The following TLK1 variants were observed in gnomAD, a reference collection of about 807,000 sequenced individuals.
TLK1 encodes the protein serine/threonine-protein kinase tousled-like 1.
Under a neutral mutation model 105.3 loss-of-function variants are expected in TLK1, and 24 were observed. The ratio of observed to expected loss-of-function variants is 0.23; its 90% CI spans 0.17 to 0.32. The LOEUF (loss-of-function observed/expected upper bound fraction) is 0.32, where lower values mean the gene tolerates loss of function less well. TLK1 is among the 10% of genes least tolerant of loss of function. TLK1 has a pLI of 1.00. For synonymous variants in TLK1, 321 were observed against 310.4 expected (o/e 1.03, Z -0.36); for missense variants, 558 against 910.5 (o/e 0.61, Z 4.98).
At chr2:171,185,005 AT>A (rs1299993016) in intron 1 of TLK1, among the ~76,000 whole-genome samples, 1 of 151,950 alleles carries the variant, frequency 6.6e-6, no homozygotes, top group African/African-American at 2.4e-5. Flanking sequence ...TGCCCAGCTA[AT>A]TTTTTGCATT....
chr2:171,087,078 AAC>A (rs982308230), intron 2 of TLK1, among the ~76,000 whole-genome samples: 12 of 152,164 alleles, frequency 7.9e-5, no homozygotes, highest in Admixed American at 7.2e-4. Flanking sequence ...ACAAACAAAA[AAC>A]AGTCTCCAAA....
At chr2:171,092,249 T>C (rs1689268670) in intron 2 of TLK1, among the ~76,000 whole-genome samples, 1 of 152,200 alleles carries the variant, frequency 6.6e-6, no homozygotes. Flanking sequence ...AAAAAATCCA[T>C]ATTGTTTTGG....
intron 1 of TLK1, among the ~76,000 whole-genome samples, chr2:171,159,339 T>C (rs1004201043): frequency 6.6e-6 from 1 of 152,200 alleles, no homozygotes; most frequent in African/African-American, 2.4e-5. Context: ...TCATTCCCCA[T>C]AAATGTGTTT....
At chr2:171,136,663 T>C (rs1357177698) in intron 1 of TLK1, among the ~76,000 whole-genome samples, 1 of 152,224 alleles carries the variant, frequency 6.6e-6, no homozygotes, top group Non-Finnish European at 1.5e-5. Context: ...ATGGCTAAAA[T>C]GTTTGCATAT....
intron 11 of TLK1, 23 bp downstream of exon 11, chr2:171,046,151 A>T: frequency 3.3e-6 from 5 of 1,497,172 alleles, no homozygotes; most frequent in Admixed American, 2.4e-5. Context: ...TTTAAAAAAG[A>T]AAAATTTTAA....
At chr2:171,230,398 C>T (rs1693973796) in intron 1 of TLK1, among the ~76,000 whole-genome samples, 1 of 152,152 alleles carries the variant, frequency 6.6e-6, no homozygotes, top group African/African-American at 2.4e-5. Context: ...TTAAGACTTG[C>T]TTAAGATGTT....
intron 2 of TLK1, among the ~76,000 whole-genome samples, chr2:171,096,180 T>C (rs1689443496): frequency 6.6e-6 from 1 of 151,548 alleles, no homozygotes; most frequent in Non-Finnish European, 1.5e-5. Flanking sequence ...TTCAGTAAAG[T>C]TGCAAGATAA....
intron 3 of TLK1, among the ~76,000 whole-genome samples, chr2:171,062,717 A>G (rs1687813541): frequency 1.3e-5 from 2 of 152,214 alleles, no homozygotes; most frequent in African/African-American, 4.8e-5. Context: ...TAAGACCTAA[A>G]TGCTCTTTAT....
At chr2:171,068,476 T>C (rs1039233915) in intron 3 of TLK1, among the ~76,000 whole-genome samples, 3 of 152,220 alleles carry the variant, frequency 2.0e-5, no homozygotes, top group African/African-American at 7.2e-5. Context: ...AGTTTCTTTG[T>C]TCTTTTTTTA....
chr2:171,176,122 T>A (rs551997289), intron 1 of TLK1, among the ~76,000 whole-genome samples: 1 of 152,140 alleles, frequency 6.6e-6, no homozygotes, highest in South Asian at 2.1e-4. Flanking sequence ...GTATTTTTAG[T>A]AGACACAGGG....
intron 13 of TLK1, among the ~76,000 whole-genome samples, chr2:171,011,699 T>C (rs1684923698): frequency 6.6e-6 from 1 of 152,140 alleles, no homozygotes; most frequent in African/African-American, 2.4e-5. Flanking sequence ...AATGACCAAT[T>C]ATAGCACTCT....
chr2:171,182,932 A>AGAAG (rs1318157334), intron 1 of TLK1, among the ~76,000 whole-genome samples: 148 of 148,508 alleles, frequency 1.0e-3, no homozygotes, highest in African/African-American at 3.5e-3. Flanking sequence ...CAAAAAAAAA[A>AGAAG]AAAAAAGAAA....
chr2:171,125,631 T>G (rs1690838206), intron 1 of TLK1, among the ~76,000 whole-genome samples: 1 of 152,192 alleles, frequency 6.6e-6, no homozygotes, highest in East Asian at 1.9e-4. Context: ...TCCTCAGCTC[T>G]GCCATTATAA....
At chr2:171,181,445 C>T (rs566559973) in intron 1 of TLK1, among the ~76,000 whole-genome samples, 1 of 152,110 alleles carries the variant, frequency 6.6e-6, no homozygotes, top group African/African-American at 2.4e-5. Context: ...CATCTCAGTC[C>T]ATTTTGTGTT....
chr2:171,067,098 T>G, intron 3 of TLK1: 11 of 932,618 alleles, frequency 1.2e-5, no homozygotes, highest in Non-Finnish European at 1.5e-5. Flanking sequence ...GTCTGTACAA[T>G]TATTTCTCTG....
chr2:171,036,056 T>C (rs1261563351), intron 11 of TLK1, among the ~76,000 whole-genome samples: 5 of 152,228 alleles, frequency 3.3e-5, no homozygotes, highest in Non-Finnish European at 5.9e-5. Context: ...GCAGATCTTC[T>C]TACCTGGAAG....
At chr2:171,013,788 TA>T (rs1015433844) in intron 13 of TLK1, among the ~76,000 whole-genome samples, 6 of 152,238 alleles carry the variant, frequency 3.9e-5, no homozygotes, top group Non-Finnish European at 1.5e-5. Flanking sequence ...ATACTTATAT[TA>T]ACTCATGAAG....
chr2:171,202,633 G>A (rs948149780), intron 1 of TLK1, among the ~76,000 whole-genome samples: 2 of 148,926 alleles, frequency 1.3e-5, no homozygotes, highest in Admixed American at 6.7e-5. Flanking sequence ...GGTGTGCGCC[G>A]GTAGTCCCAG....
At chr2:171,111,585 C>CAAAAAAAAAAAAAAAAAA (rs34969114) in intron 2 of TLK1, among the ~76,000 whole-genome samples, 1 of 113,894 alleles carries the variant, frequency 8.8e-6, no homozygotes, top group African/African-American at 3.2e-5. Flanking sequence ...ATCCTGTATT[C>CAAAAAAAAAAAAAAAAAA]AAAAAAAAAA....
Sources: allele counts gnomAD v4.1 joint callset (sites outside exome capture counted in the v4.1 genomes callset), GRCh38; gene constraint gnomAD v4.1.1; transcripts MANE v1.5; gene names NCBI Gene and HGNC (gene_info 2026-07-23, HGNC 2026-07-21).